CIAO3: variants seen among roughly 807,000 people sequenced by gnomAD.
CIAO3 encodes the protein cytosolic iron-sulfur assembly component 3.
Under a neutral mutation model 51.5 loss-of-function variants are expected in CIAO3, and 45 were observed. The observed-to-expected ratio is 0.87, with a 90% CI of 0.69 to 1.12. The LOEUF (loss-of-function observed/expected upper bound fraction) is 1.12. Ranked by LOEUF, CIAO3 falls within the 50% of genes most tolerant of loss-of-function variation. CIAO3 has a pLI of 0.00. For synonymous variants in CIAO3, 314 were observed against 269.3 expected, an observed-to-expected ratio of 1.17 and a Z score of -1.63; for missense variants, 668 against 632.5, an observed-to-expected ratio of 1.06 and a Z score of -0.60.
chr16:740,901 C>A lies in CIAO3; in HGVS notation c.66+19G>T. The A allele has an allele frequency of 6.5e-7, 1 of 1,528,170 alleles. No individual in the cohort carries two copies. The highest frequency in any genetic ancestry group is 8.8e-7 in the Non-Finnish European group (1 of 1,142,150). 94.7% of individuals were successfully genotyped at this position (1,528,170 alleles called of 1,614,324 possible). ...GGCACCGAGCGCAGCCTCGACCCCG[C>A]CCGCCCAGGCCGGCCCACCTGAGAC... On this transcript the variant is annotated intron_variant, in intron 1 of 10. Transcript: ENST00000251588.
At chr16:738,444 G>T in intron 2 of CIAO3, 1 of 556,800 alleles carries the variant, frequency 1.8e-6, no homozygotes, top group Non-Finnish European at 2.3e-6. Flanking sequence ...CGCCTCCCAG[G>T]CTCACGCCAT....
In CIAO3 at chr16:737,199, A is replaced by G. The variant is rs1419681657; in HGVS notation, c.293T>C (p.Leu98Pro). Residue 98 changes from leucine (L) to proline (P), a missense_variant, in exon 3 of 11, where the codon CTA becomes CCA. Leu to Pro is a moderately conservative substitution (Grantham distance 98). Coordinates refer to ENST00000251588, the MANE Select transcript of CIAO3 (RefSeq NM_022493.3). This position sits in a 1 kb window ranked among gnomAD's most constrained non-coding sequence, Gnocchi z 5.3. ...ACCACTGCTTACCTTGTTAGCATCT[A>G]GAACCTTCTTCAGCTCCTCGTGGCT... Reference protein sequence around the residue: ...QQSHEELKKVLDANKMAAPSQ... With the variant: ...QQSHEELKKVPDANKMAAPSQ... 6.2e-7 allele frequency: 1 copy of G among 1,613,770 alleles called. No homozygotes were observed. The highest frequency in any genetic ancestry group is 1.1e-5 in the South Asian group (1 of 91,088).
rs2041259045 is a variant in CIAO3, at chr16:730,304, C to T, written c.*113G>A. ...CTAGTCCTAGCTCCTACTCGGGTCCCAGCACACCCTGCAGCTCACTCAGAA... is the reference window on the plus strand; with the variant it reads ...CTAGTCCTAGCTCCTACTCGGGTCCTAGCACACCCTGCAGCTCACTCAGAA... On this transcript the variant is annotated 3_prime_UTR_variant, in exon 11 of 11. Transcript: ENST00000251588. 2.1e-5 allele frequency: 24 copies of T among 1,125,896 alleles called. 1 individual carries two copies. The East Asian group carries it at 5.0e-4, about 23-fold the overall frequency. The allele number at this position is 1,125,896 out of a possible 1,614,324, so 69.7% of individuals were successfully genotyped here.
intron 7 of CIAO3, 34 bp downstream of exon 7, chr16:733,264 C>CT: frequency 6.2e-7 from 1 of 1,609,840 alleles, no homozygotes; most frequent in Non-Finnish European, 8.5e-7. Context: ...GACCAGGAGG[C>CT]TTGAGGGCTC....
At position 729,814 on chromosome 16, in the gene CIAO3, G is replaced by C; in HGVS notation, c.*603C>G. On this transcript the variant is annotated 3_prime_UTR_variant, in exon 11 of 11. Coordinates refer to ENST00000251588, the MANE Select transcript of CIAO3 (RefSeq NM_022493.3). ...AGACAAACGCTGGGAGACAGGCCTG[G>C]TGGGGACCTGGCTGGGGGATGATGC... 2.2e-6 allele frequency: 2 copies of C among 919,938 alleles called. No homozygotes were observed. The highest frequency in any genetic ancestry group is 3.0e-6 in the Non-Finnish European group (2 of 676,786). The allele number at this position is 919,938 out of a possible 1,614,324, so 57.0% of individuals were successfully genotyped here. A position where few individuals can be genotyped will look rare whatever the true frequency, so the allele number is the denominator to read the frequency against.
Position 740,926 on chromosome 16 carries a change from C to T in CIAO3, c.60G>A (p.Pro20=), listed in dbSNP as rs377081357. ...QLTDLDDFIG[P]SQECIKPVKV... is the part of the protein sequence containing the mutation. Reference sequence around the variant, plus strand: ...CCCGCCCAGGCCGGCCCACCTGAGACGGCCCGATGAAGTCATCCAGGTCCG... The same window carrying T: ...CCCGCCCAGGCCGGCCCACCTGAGATGGCCCGATGAAGTCATCCAGGTCCG... The change falls in exon 1 of 11, where the codon CCG becomes CCA. Residue 20 remains proline (P), a synonymous_variant. Transcript: ENST00000251588. 3.4e-3 allele frequency: 5,213 copies of T among 1,528,384 alleles called. 17 individuals are homozygous for T. The highest frequency in any genetic ancestry group is 4.3e-3 in the Non-Finnish European group (4,940 of 1,142,532). The allele number at this position is 1,528,384 out of a possible 1,614,324, so 94.7% of individuals were successfully genotyped here. A position where few individuals can be genotyped will look rare whatever the true frequency, so the allele number is the denominator to read the frequency against.
chr16:734,319 G>A lies in CIAO3; in HGVS notation c.603C>T (p.His201=), dbSNP rs147106196. The change falls in exon 6 of 11, where the codon CAC becomes CAT. Residue 201 remains histidine, a synonymous_variant. Coordinates refer to ENST00000251588, the MANE Select transcript of CIAO3 (RefSeq NM_022493.3). The part of the protein sequence containing the change: ...PGWICYAEKT[H]GSFILPHIST... ...TGATGTGGGGGAGGATGAAGCTGCC[G>A]TGAGTCTTCTCGGCATAGCAGATCC... The A allele has an allele frequency of 4.3e-5, 69 of 1,611,568 alleles. 1 individual carries two copies. In the Middle Eastern group the frequency reaches 2.5e-3, roughly 58 times the overall value.
At position 740,939 on chromosome 16, in the gene CIAO3, T is replaced by A; in HGVS notation, c.47A>T (p.Asp16Val). Residue 16 changes from aspartate to valine, a missense_variant, in exon 1 of 11, where the codon GAC becomes GTC. By Grantham distance (152) the Asp-to-Val change is radical. Coordinates refer to ENST00000251588, the MANE Select transcript of CIAO3 (RefSeq NM_022493.3). ...SGALQLTDLD[D>V]FIGPSQECIK... ...GCCCACCTGAGACGGCCCGATGAAG[T>A]CATCCAGGTCCGTCAGCTGCAGCGC... The A allele has an allele frequency of 2.0e-6, 3 of 1,523,854 alleles. No individual in the cohort carries two copies. Among genetic ancestry groups the A allele is most frequent in the Non-Finnish European group, 2.6e-6 (3 of 1,139,974 alleles). 94.4% of individuals were successfully genotyped at this position (1,523,854 alleles called of 1,614,324 possible). A position where few individuals can be genotyped will look rare whatever the true frequency, so the allele number is the denominator to read the frequency against.
chr16:739,886 T>G (rs947559788), intron 1 of CIAO3, 148 bp from the exon 2 acceptor site: 3 of 1,206,570 alleles, frequency 2.5e-6, no homozygotes, highest in South Asian at 1.4e-5. Flanking sequence ...TCCCACCGTC[T>G]TCTTCCTGCC....
chr16:735,241 T>G, intron 4 of CIAO3: 1 of 223,082 alleles, frequency 4.5e-6, no homozygotes, highest in Non-Finnish European at 8.8e-6. Context: ...GGACGCAGCC[T>G]GCTGGACTGG....
intron 3 of CIAO3, 27 bp from the exon 4 acceptor site, chr16:736,425 T>C: frequency 1.2e-6 from 2 of 1,611,896 alleles, no homozygotes; most frequent in Non-Finnish European, 1.7e-6. Context: ...AGACGCTGCT[T>C]ACTCTGCTGG....
chr16:733,576 C>T (rs972856342), intron 6 of CIAO3, 149 bp from the exon 7 acceptor site: 38 of 1,197,206 alleles, frequency 3.2e-5, no homozygotes, highest in Middle Eastern at 2.6e-4. Flanking sequence ...GCCGGCTCTG[C>T]GGATGTGTCC....
At chr16:731,208 C>T (rs765207073) in intron 9 of CIAO3, 98 of 684,532 alleles carry the variant, frequency 1.4e-4, no homozygotes, top group Middle Eastern at 4.1e-4. Flanking sequence ...CCTCCAGCCT[C>T]GGGCTGTCTG....
Position 730,910 on chromosome 16 carries a change from G to A in CIAO3, c.1125C>T (p.Asn375=). The change falls in exon 10 of 11, where the codon AAC becomes AAT. Residue 375 remains asparagine, a synonymous_variant. Coordinates refer to ENST00000251588, the MANE Select transcript of CIAO3 (RefSeq NM_022493.3). The stretch of plus-strand genomic sequence containing the variant: ...GCCCTCGTTTGAGCCTCTGCACCAG[G>A]TTCTGGATGTTGCGGAAGCCGTACG... ...AMAYGFRNIQ[N]LVQRLKRGRC... 6.2e-7 allele frequency: 1 copy of A among 1,612,946 alleles called. No homozygotes were observed. The highest frequency in any genetic ancestry group is 1.1e-5 in the South Asian group (1 of 91,088).
At chr16:734,577 C>G (rs1162678534) in intron 5 of CIAO3, 160 bp downstream of exon 5, 1 of 1,352,322 alleles carries the variant, frequency 7.4e-7, no homozygotes, top group Non-Finnish European at 1.0e-6. Context: ...GCAGCCTCTT[C>G]TCCAGAAAAG....
chr16:738,460 T>G (rs984296267), intron 2 of CIAO3: 1 of 441,112 alleles, frequency 2.3e-6, no homozygotes, highest in Non-Finnish European at 3.0e-6. Flanking sequence ...GCCATTCTCC[T>G]GCCTCAGCTT....
At chr16:740,398 C>G (rs2041379164) in intron 1 of CIAO3, 2 of 318,344 alleles carry the variant, frequency 6.3e-6, no homozygotes, top group Non-Finnish European at 1.3e-5. Flanking sequence ...GGGCGTCTAG[C>G]GGGCCGCCCC....
At chr16:736,705 C>T (rs2041342671) in intron 3 of CIAO3, among the ~76,000 whole-genome samples, 1 of 151,970 alleles carries the variant, frequency 6.6e-6, no homozygotes, top group Non-Finnish European at 1.5e-5. Context: ...CACTCTATCA[C>T]CAGGCTGGTG....
At chr16:733,238 CAGGGCTCAGGAATCAGACCAGGAGGCTTG>C in intron 7 of CIAO3, 31 bp downstream of exon 7, 1 of 1,597,440 alleles carries the variant, frequency 6.3e-7, no homozygotes, top group Non-Finnish European at 8.5e-7. Flanking sequence ...CACCTGTGCC[CAGGGCTCAGGAATCAGACCAGGAGGCTTG>C]AGGGCTCAGG....
Sources: gnomAD v4.1 joint callset for allele counts (sites outside exome capture counted in the v4.1 genomes callset) on GRCh38, gnomAD v4.1.1 for gene constraint, Gnocchi (gnomAD v3.1) non-coding constraint, MANE v1.5 for transcripts, NCBI Gene and HGNC (gene_info 2026-07-23, HGNC 2026-07-21) for gene names.